Variants in RBFOX3 observed in about 807,000 individuals in gnomAD.
The protein encoded by RBFOX3 is RNA binding protein fox-1 homolog 3.
Under a neutral mutation model 48.7 loss-of-function variants are expected in RBFOX3, and 17 were observed. The observed-to-expected ratio is 0.35, with a 90% CI of 0.24 to 0.52. The LOEUF (loss-of-function observed/expected upper bound fraction) is 0.52. Ranked by LOEUF, RBFOX3 falls within the 20% of genes least tolerant of loss-of-function variation. RBFOX3 has a pLI of 0.94. For synonymous variants in RBFOX3, 212 were observed against 209.5 expected, an observed-to-expected ratio of 1.01 and a Z score of -0.10; for missense variants, 382 against 497.5, an observed-to-expected ratio of 0.77 and a Z score of 2.21.
At chr17:79,305,872 A>G (rs1243336053) in intron 3 of RBFOX3, among the ~76,000 whole-genome samples, 1 of 152,188 alleles carries the variant, frequency 6.6e-6, no homozygotes, top group Non-Finnish European at 1.5e-5. Context: ...CAGAGAGTGC[A>G]TAACCTGGCT....
At position 79,421,056 on chromosome 17, in the gene RBFOX3, C is replaced by T. The variant is rs925829164; in HGVS notation, c.-175+61398G>A. Among the ~76,000 whole-genome samples, 1 of 151,962 alleles carries T rather than the reference C, an allele frequency of 6.6e-6. No homozygotes were observed. On this transcript the variant is annotated intron_variant, in intron 2 of 14. Coordinates refer to ENST00000693108, the MANE Select transcript of RBFOX3 (RefSeq NM_001350451.2). The surrounding 1 kb of genome is among the most constrained non-coding windows in gnomAD (Gnocchi z 4.5). ...GGGGCTTCCCTACTGGGTGAGCCTC[C>T]CCAGGTGGGTCGAGGGCCTTCCCTG...
intron 4 of RBFOX3, among the ~76,000 whole-genome samples, chr17:79,142,554 C>T (rs2042117376): frequency 6.6e-6 from 1 of 152,046 alleles, no homozygotes; most frequent in Non-Finnish European, 1.5e-5. Flanking sequence ...AACGCTGCAA[C>T]TAAACTCCGC....
At chr17:79,340,029 C>G (rs35769662) in intron 2 of RBFOX3, among the ~76,000 whole-genome samples, 1 of 152,018 alleles carries the variant, frequency 6.6e-6, no homozygotes, top group African/African-American at 2.4e-5. Context: ...CCGGGCACGG[C>G]GGCTCACACC....
At chr17:79,186,982 C>G (rs868467295) in intron 4 of RBFOX3, among the ~76,000 whole-genome samples, 4 of 152,368 alleles carry the variant, frequency 2.6e-5, no homozygotes, top group Middle Eastern at 6.8e-3. Flanking sequence ...CTGGGAAATT[C>G]TGGCCCACGT....
intron 3 of RBFOX3, among the ~76,000 whole-genome samples, chr17:79,239,480 C>T (rs1259786694): frequency 6.6e-6 from 1 of 152,344 alleles, no homozygotes; most frequent in East Asian, 1.9e-4. Context: ...TGCAGTCACA[C>T]CCTTCAGCAA....
At chr17:79,442,711 A>C (rs943497229) in intron 2 of RBFOX3, among the ~76,000 whole-genome samples, 1 of 152,104 alleles carries the variant, frequency 6.6e-6, no homozygotes, top group South Asian at 2.1e-4. Context: ...GGCTGCCGTA[A>C]CTATTAATAA....
Position 79,423,304 on chromosome 17 carries a change from A to T in RBFOX3, c.-175+59150T>A, listed in dbSNP as rs2066767840. 6.6e-6 allele frequency among the ~76,000 whole-genome samples: 1 copy of T among 152,086 alleles called. No individual in the cohort carries two copies. The highest frequency in any genetic ancestry group is 2.4e-5 in the African/African-American group (1 of 41,412). ...CCTTGACCGTCCTCGCCACGCCCCC[A>T]TCGACCAGGATGCCAGGAGCCAGGA... On this transcript the variant is annotated intron_variant, in intron 2 of 14. Coordinates refer to ENST00000693108, the MANE Select transcript of RBFOX3 (RefSeq NM_001350451.2). The surrounding 1 kb of genome is among the most constrained non-coding windows in gnomAD (Gnocchi z 4.9).
rs540817331 is a variant in RBFOX3, at chr17:79,318,530, G to A, written c.-174-10706C>T. Reference sequence around the variant, plus strand: ...ATTTGCCTAATGAGAGGTCTTACTGGCAAATTTCATACTAAGAGTTGGATG... The same window carrying A: ...ATTTGCCTAATGAGAGGTCTTACTGACAAATTTCATACTAAGAGTTGGATG... On this transcript the variant is annotated intron_variant, in intron 2 of 14. Coordinates refer to ENST00000693108, the MANE Select transcript of RBFOX3 (RefSeq NM_001350451.2). Among the ~76,000 whole-genome samples, 75 of 152,176 alleles carry A rather than the reference G, an allele frequency of 4.9e-4. 1 individual carries two copies. Among genetic ancestry groups the A allele is most frequent in the Admixed American group, 3.4e-3 (52 of 15,270 alleles).
At chr17:79,173,117 C>G (rs1268163468) in intron 4 of RBFOX3, among the ~76,000 whole-genome samples, 1 of 151,968 alleles carries the variant, frequency 6.6e-6, no homozygotes, top group Non-Finnish European at 1.5e-5. Flanking sequence ...GGCTGAGGCA[C>G]GAGAATCGCT....
chr17:79,425,977 C>G (rs2067295328), intron 2 of RBFOX3, among the ~76,000 whole-genome samples: 1 of 152,028 alleles, frequency 6.6e-6, no homozygotes, highest in Non-Finnish European at 1.5e-5. Flanking sequence ...GACGCGGTGA[C>G]CAGTGTAACA....
intron 2 of RBFOX3, among the ~76,000 whole-genome samples, chr17:79,326,185 G>T (rs965337564): frequency 6.6e-6 from 1 of 152,206 alleles, no homozygotes; most frequent in Non-Finnish European, 1.5e-5. Context: ...GGATGGGGGT[G>T]GATGGTGGTG....
At chr17:79,156,120 G>A (rs1015832970) in intron 4 of RBFOX3, among the ~76,000 whole-genome samples, 4 of 152,202 alleles carry the variant, frequency 2.6e-5, no homozygotes, top group African/African-American at 7.2e-5. Flanking sequence ...GGGGTGACGG[G>A]GAAAAGGTCT....
chr17:79,091,525 C>T (rs1483263936), intron 14 of RBFOX3, among the ~76,000 whole-genome samples: 1 of 152,180 alleles, frequency 6.6e-6, no homozygotes, highest in East Asian at 1.9e-4. Flanking sequence ...GCTGGCCAGT[C>T]CCAGGGCTGA....
At chr17:79,553,749 GTCTC>G (rs1164746364) in intron 1 of RBFOX3, among the ~76,000 whole-genome samples, 9 of 149,570 alleles carry the variant, frequency 6.0e-5, no homozygotes, top group East Asian at 1.9e-4. Flanking sequence ...TTGAGACAGA[GTCTC>G]TCTCTCTCTC....
At chr17:79,155,940 G>A (rs574752995) in intron 4 of RBFOX3, among the ~76,000 whole-genome samples, 68 of 152,290 alleles carry the variant, frequency 4.5e-4, no homozygotes, top group African/African-American at 1.4e-3. Flanking sequence ...ATTCAGCATC[G>A]CTGCCTCCCA....
Position 79,214,392 on chromosome 17 carries a change from A to G in RBFOX3, c.-34+21374T>C, listed in dbSNP as rs1307217318. On this transcript the variant is annotated intron_variant, in intron 4 of 14. Transcript: ENST00000693108. This position sits in a 1 kb window ranked among gnomAD's most constrained non-coding sequence, Gnocchi z 4.7. ...TAATTAGACAAGCCCTCCCGCCCGC[A>G]GGTCCAGCAACCAGGGAGGGTGGGG... Among the ~76,000 whole-genome samples the G allele has an allele frequency of 1.3e-5, 2 of 152,202 alleles. No individual in the cohort carries two copies. Among genetic ancestry groups the G allele is most frequent in the Non-Finnish European group, 2.9e-5 (2 of 68,030 alleles).
chr17:79,230,477 T>A lies in RBFOX3; in HGVS notation c.-34+5289A>T, dbSNP rs541020100. On this transcript the variant is annotated intron_variant, in intron 4 of 14. Coordinates refer to ENST00000693108, the MANE Select transcript of RBFOX3 (RefSeq NM_001350451.2). ...GGTTTCACCATGTTGGCCAGGCTGG[T>A]CTCGATCTGCTGACCTCGTGATCCG... Among the ~76,000 whole-genome samples, 71 of 151,822 alleles carry A rather than the reference T, an allele frequency of 4.7e-4. No homozygotes were observed. The South Asian group carries it at 0.014, about 29-fold the overall frequency.
chr17:79,368,838 T>C (rs534867633), intron 2 of RBFOX3, among the ~76,000 whole-genome samples: 33 of 152,342 alleles, frequency 2.2e-4, no homozygotes, highest in African/African-American at 7.2e-4. Flanking sequence ...AAATGAACTT[T>C]AAGGGCCAAC....
intron 2 of RBFOX3, among the ~76,000 whole-genome samples, chr17:79,462,815 T>C (rs1319227079): frequency 6.6e-6 from 1 of 152,196 alleles, no homozygotes; most frequent in African/African-American, 2.4e-5. Flanking sequence ...AGCTGCCATA[T>C]TGAAAGCTCA....
Sources: gnomAD v4.1 joint callset for allele counts (sites outside exome capture counted in the v4.1 genomes callset) on GRCh38, gnomAD v4.1.1 for gene constraint, Gnocchi (gnomAD v3.1) non-coding constraint, MANE v1.5 for transcripts, NCBI Gene and HGNC (gene_info 2026-07-23, HGNC 2026-07-21) for gene names.